The following PICALM variants were observed in gnomAD, a reference collection of about 807,000 sequenced individuals.
PICALM encodes the protein phosphatidylinositol binding clathrin assembly protein.
PICALM carries 40 observed loss-of-function variants against 80.5 expected under a neutral mutation model. The observed-to-expected ratio is 0.50, with a 90% CI of 0.39 to 0.65. The LOEUF is 0.65. Ranked by LOEUF, PICALM falls within the 30% of genes least tolerant of loss-of-function variation. PICALM has a pLI of 0.00. For missense variants in PICALM, 676 were observed against 778.9 expected, an observed-to-expected ratio of 0.87 and a Z score of 1.57; for synonymous variants, 288 against 260.3, an observed-to-expected ratio of 1.11 and a Z score of -1.02.
intron 2 of PICALM, among the ~76,000 whole-genome samples, chr11:86,029,398 C>G (rs958450317): frequency 2.0e-4 from 31 of 152,172 alleles, no homozygotes; most frequent in Non-Finnish European, 4.1e-4. Context: ...GCATAAAAAC[C>G]TGAAGGTTGT....
intron 1 of PICALM, among the ~76,000 whole-genome samples, chr11:86,057,033 C>T (rs2096280211): frequency 6.6e-6 from 1 of 152,062 alleles, no homozygotes; most frequent in Non-Finnish European, 1.5e-5. Context: ...TGACCGTTAA[C>T]AGATACAGGA....
intron 4 of PICALM, among the ~76,000 whole-genome samples, chr11:86,020,115 A>T (rs2136455811): frequency 6.6e-6 from 1 of 152,330 alleles, no homozygotes; most frequent in South Asian, 2.1e-4. Context: ...TGACTGGATC[A>T]TGTACTAAGA....
intron 3 of PICALM, among the ~76,000 whole-genome samples, chr11:86,023,807 A>G (rs4943934): frequency 0.16 from 23,949 of 152,092 alleles, 2,436 homozygotes; most frequent in Middle Eastern, 0.24. Context: ...ATTTTTATCT[A>G]TAATATATAT....
chr11:86,045,333 C>T (rs995259402), intron 1 of PICALM, among the ~76,000 whole-genome samples: 1 of 151,778 alleles, frequency 6.6e-6, no homozygotes, highest in African/African-American at 2.4e-5. Flanking sequence ...CATAACCATA[C>T]ACCTGTTCTT....
intron 11 of PICALM, among the ~76,000 whole-genome samples, chr11:85,999,840 G>A (rs2136080745): frequency 6.6e-6 from 1 of 152,276 alleles, no homozygotes; most frequent in Admixed American, 6.5e-5. Context: ...CTAGTCACCT[G>A]GGAGCATCTT....
chr11:85,986,215 A>T (rs1398971577), intron 13 of PICALM, among the ~76,000 whole-genome samples: 1 of 152,008 alleles, frequency 6.6e-6, no homozygotes, highest in East Asian at 1.9e-4. Context: ...CAGGGAGGCA[A>T]GCAGTTTATT....
At chr11:86,007,291 G>T in intron 8 of PICALM, 1 of 240,806 alleles carries the variant, frequency 4.2e-6, no homozygotes, top group Non-Finnish European at 8.1e-6. Flanking sequence ...CAATGATGAT[G>T]GGAAAGAAAG....
At position 86,008,655 on chromosome 11, in the gene PICALM, AC is replaced by A. The variant is rs1435847911; in HGVS notation, c.766-1073del. On this transcript the variant is annotated intron_variant, in intron 7 of 19. Transcript: ENST00000393346. The stretch of plus-strand genomic sequence containing the variant: ...AAAAAAATCTGATAAATTCATTATT[AC>A]TCAGATGTTACTAATCACTGCCTGA... Among the ~76,000 whole-genome samples, 5 of 152,042 alleles carry A rather than the reference AC, an allele frequency of 3.3e-5. No individual in the cohort carries two copies. The East Asian group carries it at 9.6e-4, about 29-fold the overall frequency.
intron 4 of PICALM, among the ~76,000 whole-genome samples, chr11:86,018,594 T>C (rs1439967740): frequency 6.6e-6 from 1 of 152,120 alleles, no homozygotes; most frequent in Middle Eastern, 3.2e-3. Context: ...TTCATAAGAA[T>C]GAGATGGATT....
intron 19 of PICALM, among the ~76,000 whole-genome samples, chr11:85,960,221 G>C (rs1798036492): frequency 6.6e-6 from 1 of 151,890 alleles, no homozygotes; most frequent in African/African-American, 2.4e-5. Flanking sequence ...TACTGAAGTA[G>C]ATGTGCTAAT....
chr11:86,063,836 T>G (rs2096404689), intron 1 of PICALM, among the ~76,000 whole-genome samples: 1 of 151,972 alleles, frequency 6.6e-6, no homozygotes, highest in Non-Finnish European at 1.5e-5. Flanking sequence ...GCCCAGACAT[T>G]AATTACAAAA....
intron 4 of PICALM, among the ~76,000 whole-genome samples, chr11:86,018,481 A>G (rs1168617179): frequency 6.6e-6 from 1 of 152,114 alleles, no homozygotes; most frequent in African/African-American, 2.4e-5. Context: ...CTATAGAAAA[A>G]CTCAATGCAA....
intron 8 of PICALM, among the ~76,000 whole-genome samples, chr11:86,004,636 G>A (rs1433781142): frequency 3.3e-5 from 5 of 152,014 alleles, no homozygotes; most frequent in Non-Finnish European, 7.4e-5. Context: ...TCCGCTCTAA[G>A]TGAAGCAAAT....
rs114285285 is a variant in PICALM, at chr11:85,977,246, A to T, written c.1780-564T>A. 5.3e-4 allele frequency among the ~76,000 whole-genome samples: 81 copies of T among 152,316 alleles called. 2 individuals are homozygous for T. The South Asian group carries it at 0.014, about 26-fold the overall frequency. On this transcript the variant is annotated intron_variant, in intron 17 of 19. Transcript: ENST00000393346. ...ACTATTTCTATGAGCCATAGTTCTT[A>T]TATAGAGTATGTACGTTAGCTTTCT...
Position 86,050,216 on chromosome 11 carries a change from A to C in PICALM, c.130+18435T>G, listed in dbSNP as rs187834842. Reference sequence around the variant, plus strand: ...CAAGACTCTGTCTCAAAAAAAAAAAAAAAAAAAAACTATATCAGTAAGTTG... The same window carrying C: ...CAAGACTCTGTCTCAAAAAAAAAAACAAAAAAAAACTATATCAGTAAGTTG... On this transcript the variant is annotated intron_variant, in intron 1 of 19. Transcript: ENST00000393346. 2.3e-3 allele frequency among the ~76,000 whole-genome samples: 345 copies of C among 151,438 alleles called. 3 individuals are homozygous for C. Among genetic ancestry groups the C allele is most frequent in the African/African-American group, 7.9e-3 (327 of 41,382 alleles).
At chr11:85,964,289 C>T (rs1241964161) in intron 19 of PICALM, among the ~76,000 whole-genome samples, 1 of 152,180 alleles carries the variant, frequency 6.6e-6, no homozygotes, top group Non-Finnish European at 1.5e-5. Flanking sequence ...ATTTTTCAGT[C>T]ACCCAAAAGA....
At chr11:85,996,329 A>G (rs2094959378) in intron 12 of PICALM, among the ~76,000 whole-genome samples, 1 of 152,136 alleles carries the variant, frequency 6.6e-6, no homozygotes, top group African/African-American at 2.4e-5. Flanking sequence ...TAATTAAAAA[A>G]ACATTTAAAA....
chr11:85,999,420 G>A (rs182647088), intron 11 of PICALM, among the ~76,000 whole-genome samples: 28 of 152,254 alleles, frequency 1.8e-4, no homozygotes, highest in Admixed American at 6.5e-4. Flanking sequence ...ATTTGTTTCA[G>A]CCTCGAACAA....
intron 5 of PICALM, among the ~76,000 whole-genome samples, chr11:86,014,280 T>A (rs2095444736): frequency 6.6e-6 from 1 of 152,016 alleles, no homozygotes; most frequent in African/African-American, 2.4e-5. Context: ...AAATGACAAA[T>A]AAATAATAAA....
Sources: allele counts gnomAD v4.1 joint callset (sites outside exome capture counted in the v4.1 genomes callset), GRCh38; gene constraint gnomAD v4.1.1; transcripts MANE v1.5; gene names NCBI Gene and HGNC (gene_info 2026-07-23, HGNC 2026-07-21).